The following TTC28 variants were observed in gnomAD, a reference collection of about 807,000 sequenced individuals.
The protein encoded by TTC28 is tetratricopeptide repeat protein 28.
Under a neutral mutation model 198.0 loss-of-function variants are expected in TTC28, and 61 were observed. That is an observed-to-expected ratio of 0.31 (90% CI 0.25 to 0.38). The LOEUF (loss-of-function observed/expected upper bound fraction) is 0.38. Ranked by LOEUF, TTC28 falls within the 10% of genes least tolerant of loss-of-function variation. The pLI is 1.00. For missense variants in TTC28, 2,678 were observed against 3,164.0 expected, an observed-to-expected ratio of 0.85 and a Z score of 3.69; for synonymous variants, 1,171 against 1,297.8, an observed-to-expected ratio of 0.90 and a Z score of 2.10.
chr22:28,607,283 A>G (rs1356804384), intron 2 of TTC28, among the ~76,000 whole-genome samples: 1 of 152,140 alleles, frequency 6.6e-6, no homozygotes, highest in Non-Finnish European at 1.5e-5. Flanking sequence ...AAATACACTT[A>G]TATGTTTTTA....
At chr22:28,163,043 T>C in intron 6 of TTC28, 49 bp downstream of exon 6, 1 of 1,486,652 alleles carries the variant, frequency 6.7e-7, no homozygotes, top group Non-Finnish European at 8.9e-7. Context: ...TCCAGCTATT[T>C]CCAGCTCATG....
At chr22:28,285,695 T>A (rs1231022298) in intron 5 of TTC28, among the ~76,000 whole-genome samples, 1 of 152,188 alleles carries the variant, frequency 6.6e-6, no homozygotes, top group African/African-American at 2.4e-5. Context: ...ATAATTTGTA[T>A]TCAGCAATTA....
chr22:28,309,417 T>C (rs1399149130), intron 2 of TTC28, among the ~76,000 whole-genome samples: 1 of 152,216 alleles, frequency 6.6e-6, no homozygotes, highest in Admixed American at 6.5e-5. Context: ...TAAATTGGTA[T>C]TACCAAGTTC....
chr22:27,982,614 A>T lies in TTC28; in HGVS notation c.7053T>A (p.Asp2351Glu). The change falls in exon 23 of 23, where the codon GAT becomes GAA. Residue 2351 changes from aspartate to glutamate, a missense_variant. Asp to Glu is a conservative substitution (Grantham distance 45). Transcript: ENST00000397906. The surrounding 1 kb of genome is among the most constrained non-coding windows in gnomAD (Gnocchi z 5.2). ...GGTTATGGACAGCCTGCACCTTTTC[A>T]TCAATGGCTGCCATTTTCAGTTTGT... is the stretch of plus-strand genomic sequence containing the variant. ...DIDKLKMAAI[D>E]EKVQAVHNLK... 2 of 1,551,604 alleles carry T rather than the reference A, an allele frequency of 1.3e-6. No homozygotes were observed. Among genetic ancestry groups the T allele is most frequent in the Non-Finnish European group, 8.7e-7 (1 of 1,146,992 alleles).
In TTC28 at chr22:28,443,055, G is replaced by A. The variant is rs897010780; in HGVS notation, c.382-136412C>T. Reference sequence around the variant, plus strand: ...TTCACTGCGAAGGGAAAAGCCCCAGGAGAGTCCAGTCTTTTCGCCTTCAGT... The same window carrying A: ...TTCACTGCGAAGGGAAAAGCCCCAGAAGAGTCCAGTCTTTTCGCCTTCAGT... On this transcript the variant is annotated intron_variant, in intron 2 of 22. Coordinates refer to ENST00000397906, the MANE Select transcript of TTC28 (RefSeq NM_001145418.2). The A allele has an allele frequency of 3.3e-5, 5 of 152,260 alleles. No homozygotes were observed. In the South Asian group the frequency reaches 6.2e-4, roughly 19 times the overall value. The allele number at this position is 152,260 out of a possible 1,614,324, so 9.4% of individuals were successfully genotyped here.
chr22:28,629,798 C>G lies in TTC28; in HGVS notation c.135G>C (p.Gln45His). 6.4e-7 allele frequency: 1 copy of G among 1,551,698 alleles called. No homozygotes were observed. The highest frequency in any genetic ancestry group is 8.7e-7 in the Non-Finnish European group (1 of 1,146,988). The stretch of plus-strand genomic sequence containing the variant: ...TCAGTACCGGTCCATCAGGACTTCT[C>G]TGGCCAATAGTGTCAGCACCAAAGA... ...IPLFGADTIG[Q>H]RSPDGPVLSK... The change falls in exon 2 of 23, where the codon CAG (glutamine) becomes CAC (histidine). Residue 45 changes from glutamine to histidine, a missense_variant. By Grantham distance (24) the Gln-to-His change is conservative. Around this residue, in one of 8 missense-constraint regions of TTC28, gnomAD observed 176 missense variants for 197.9 expected, o/e 0.89. Transcript: ENST00000397906.
At chr22:28,246,061 A>C (rs1216795397) in intron 5 of TTC28, among the ~76,000 whole-genome samples, 1 of 152,186 alleles carries the variant, frequency 6.6e-6, no homozygotes, top group Non-Finnish European at 1.5e-5. Context: ...CTCTGTTCTT[A>C]TTTACTCTTA....
chr22:28,401,192 G>GGGA (rs71194765), intron 2 of TTC28, among the ~76,000 whole-genome samples: 154 of 151,734 alleles, frequency 1.0e-3, no homozygotes, highest in African/African-American at 3.1e-3. Flanking sequence ...AAAGGAGGGG[G>GGGA]GGAGGAGGAG....
intron 14 of TTC28, chr22:28,007,746 G>C (rs955921806): frequency 2.6e-5 from 4 of 152,342 alleles, no homozygotes; most frequent in Admixed American, 6.5e-5. Flanking sequence ...AGCTAGAATA[G>C]AGCCAGCACG....
intron 5 of TTC28, among the ~76,000 whole-genome samples, chr22:28,251,705 T>C (rs1346584094): frequency 6.6e-6 from 1 of 152,232 alleles, no homozygotes; most frequent in Non-Finnish European, 1.5e-5. Flanking sequence ...GGAATGTTAA[T>C]ATTTATCCTA....
intron 12 of TTC28, among the ~76,000 whole-genome samples, chr22:28,043,938 T>C (rs2146682679): frequency 6.6e-6 from 1 of 152,286 alleles, no homozygotes; most frequent in South Asian, 2.1e-4. Flanking sequence ...GTGAAAGCCA[T>C]TCTTCTCAGA....
chr22:28,021,453 C>A (rs1938592666), intron 13 of TTC28, among the ~76,000 whole-genome samples: 3 of 152,160 alleles, frequency 2.0e-5, no homozygotes, highest in Admixed American at 2.0e-4. Context: ...GAAGGCTTTG[C>A]TCCTCACGGC....
At chr22:28,190,385 A>C (rs537365617) in intron 5 of TTC28, among the ~76,000 whole-genome samples, 1 of 152,328 alleles carries the variant, frequency 6.6e-6, no homozygotes, top group South Asian at 2.1e-4. Context: ...ATTTGAGCCC[A>C]GTCATTCCAG....
intron 5 of TTC28, among the ~76,000 whole-genome samples, chr22:28,226,418 TCTC>T: frequency 6.6e-6 from 1 of 152,240 alleles, no homozygotes; most frequent in South Asian, 2.1e-4. Flanking sequence ...TCTGTTCTCT[TCTC>T]TTCTTTTCTC....
chr22:28,646,861 C>T (rs2051476146), intron 1 of TTC28, among the ~76,000 whole-genome samples: 1 of 151,466 alleles, frequency 6.6e-6, no homozygotes, highest in South Asian at 2.1e-4. Context: ...GAAACTCTGT[C>T]GAAAGAAAGA....
At chr22:28,287,842 C>A (rs1240837786) in intron 5 of TTC28, among the ~76,000 whole-genome samples, 1 of 151,976 alleles carries the variant, frequency 6.6e-6, no homozygotes, top group South Asian at 2.1e-4. Flanking sequence ...TGGACTAGAT[C>A]AAGAAGAAAC....
At chr22:28,136,661 G>A (rs1168964780) in intron 6 of TTC28, among the ~76,000 whole-genome samples, 1 of 152,192 alleles carries the variant, frequency 6.6e-6, no homozygotes, top group African/African-American at 2.4e-5. Context: ...GTCCCTGCTT[G>A]AATTAGTCAG....
chr22:28,039,709 C>G (rs1939532535), intron 12 of TTC28, among the ~76,000 whole-genome samples: 1 of 151,970 alleles, frequency 6.6e-6, no homozygotes, highest in Non-Finnish European at 1.5e-5. Flanking sequence ...AATTCAAAAG[C>G]TAGCAGAAGG....
chr22:28,084,930 A>T, intron 12 of TTC28, among the ~76,000 whole-genome samples: 1 of 152,192 alleles, frequency 6.6e-6, no homozygotes, highest in East Asian at 1.9e-4. Flanking sequence ...GACGAAATGA[A>T]TCAAATGAAA....
Sources: allele counts gnomAD v4.1 joint callset (sites outside exome capture counted in the v4.1 genomes callset), GRCh38; gene constraint gnomAD v4.1.1; regional missense constraint gnomAD v4.1.1; non-coding constraint Gnocchi (gnomAD v3.1); transcripts MANE v1.5; gene names NCBI Gene and HGNC (gene_info 2026-07-23, HGNC 2026-07-21).